APC2: variants seen among roughly 807,000 people sequenced by gnomAD.
APC2 encodes APC regulator of Wnt signaling pathway 2, also known as adenomatous polyposis coli protein 2.
In APC2, 41 loss-of-function variants were observed where a neutral mutation model predicts 72.5. The observed-to-expected ratio is 0.57, with a 90% confidence interval of 0.44 to 0.73. The LOEUF is 0.73. APC2 is among the 30% of genes least tolerant of loss of function. The pLI, the probability that APC2 is intolerant of heterozygous loss-of-function variation, is 0.00. For synonymous variants in APC2, 1,898 were observed against 1,612.0 expected (o/e 1.18, Z -4.25); for missense variants, 3,729 against 3,403.4 (o/e 1.10, Z -2.38).
intron 8 of APC2, 95 bp downstream of exon 8, chr19:1,456,499 C>T (rs1262737057): frequency 1.9e-5 from 24 of 1,265,018 alleles, no homozygotes; most frequent in Admixed American, 4.6e-5. Context: ...CCTCCCATGC[C>T]TCCATCCAGC....
chr19:1,460,087 A>G (rs978706240), intron 10 of APC2, 94 bp from the exon 11 acceptor site: 1 of 1,542,292 alleles, frequency 6.5e-7, no homozygotes, highest in Non-Finnish European at 8.8e-7. Context: ...GGTCTGGGGC[A>G]TAGGGAGGGC....
Position 1,471,574 on chromosome 19 carries a change from G to C in APC2, c.*1361G>C, listed in dbSNP as rs931090666. The stretch of plus-strand genomic sequence containing the variant: ...GACTGGGGCAACGCCTCGTCCTGCA[G>C]AGGGAGCCGACGACCTCTTTTCTGC... On this transcript the variant is annotated 3_prime_UTR_variant, in exon 15 of 15. Coordinates refer to ENST00000590469, the MANE Select transcript of APC2 (RefSeq NM_005883.3). The C allele has an allele frequency of 6.6e-6, 1 of 152,254 alleles. No individual in the cohort carries two copies. The highest frequency in any genetic ancestry group is 1.5e-5 in the Non-Finnish European group (1 of 68,058). 9.4% of individuals were successfully genotyped at this position (152,254 alleles called of 1,614,324 possible).
chr19:1,467,076 G>A lies in APC2; in HGVS notation c.3775G>A (p.Gly1259Ser), dbSNP rs757632528. ...RCRLPSELDAGSVRFTVEKPD... is the reference protein window; with the variant it reads ...RCRLPSELDASSVRFTVEKPD... ...CCGGCTGCCATCTGAGCTGGACGCAGGCAGCGTGCGCTTTACCGTGGAGAA... is the reference window on the plus strand; with the variant it reads ...CCGGCTGCCATCTGAGCTGGACGCAAGCAGCGTGCGCTTTACCGTGGAGAA... Residue 1259 changes from glycine (G) to serine (S), a missense_variant, in exon 15 of 15, where the codon GGC becomes AGC. Physicochemically the swap from Gly to Ser is moderately conservative, Grantham distance 56. Coordinates refer to ENST00000590469, the MANE Select transcript of APC2 (RefSeq NM_005883.3). 1.6e-5 allele frequency: 25 copies of A among 1,611,094 alleles called. No individual in the cohort carries two copies. The highest frequency in any genetic ancestry group is 2.1e-5 in the Non-Finnish European group (25 of 1,179,418).
chr19:1,469,899 A>G lies in APC2; in HGVS notation c.6598A>G (p.Lys2200Glu). 1 of 1,522,446 alleles carries G rather than the reference A, an allele frequency of 6.6e-7. No homozygotes were observed. Among genetic ancestry groups the G allele is most frequent in the East Asian group, 2.5e-5 (1 of 39,542 alleles). 94.3% of individuals were successfully genotyped at this position (1,522,446 alleles called of 1,614,324 possible). A position where few individuals can be genotyped will look rare whatever the true frequency, so the allele number is the denominator to read the frequency against. Reference protein sequence around the residue: ...VVQTEEVAAPKTNSSTSPSLE... With the variant: ...VVQTEEVAAPETNSSTSPSLE... Reference sequence around the variant, plus strand: ...CCAGACCGAGGAGGTCGCCGCCCCCAAGACCAACTCCAGCACGTCCCCGAG... The same window carrying G: ...CCAGACCGAGGAGGTCGCCGCCCCCGAGACCAACTCCAGCACGTCCCCGAG... Residue 2200 changes from lysine to glutamate, a missense_variant, in exon 15 of 15, where the codon AAG becomes GAG. Coordinates refer to ENST00000590469, the MANE Select transcript of APC2 (RefSeq NM_005883.3).
At chr19:1,456,042 G>T in intron 6 of APC2, 34 bp from the exon 7 acceptor site, 2 of 1,529,048 alleles carry the variant, frequency 1.3e-6, no homozygotes, top group Non-Finnish European at 8.8e-7. Context: ...GGCGGGGTCA[G>T]CTCCAGCACT....
At chr19:1,458,138 C>G (rs1183879242) in intron 10 of APC2, 78 bp downstream of exon 10, 13 of 1,323,538 alleles carry the variant, frequency 9.8e-6, no homozygotes, top group Admixed American at 4.0e-5. Flanking sequence ...TAAAGGGACA[C>G]AGGCTGGGTC....
chr19:1,458,169 T>C (rs979517366), intron 10 of APC2, 109 bp downstream of exon 10: 1 of 1,034,262 alleles, frequency 9.7e-7, no homozygotes, highest in African/African-American at 1.6e-5. Flanking sequence ...GGGCTGGGGA[T>C]TGGAGCCCGG....
Position 1,465,392 on chromosome 19 carries a change from T to C in APC2, c.2091T>C (p.His697=), listed in dbSNP as rs2083990981. 6.4e-7 allele frequency: 1 copy of C among 1,568,410 alleles called. No individual in the cohort carries two copies. The highest frequency in any genetic ancestry group is 1.3e-5 in the African/African-American group (1 of 74,130). ...SAAALRNLLA[H]RPAKHQAAAT... ...CCGCCCTGCGCAACCTGCTGGCCCA[T>C]CGGCCCGCCAAGCACCAGGCGGCCG... The change falls in exon 15 of 15, where the codon CAT becomes CAC. Residue 697 remains histidine, a synonymous_variant. Coordinates refer to ENST00000590469, the MANE Select transcript of APC2 (RefSeq NM_005883.3).
At chr19:1,448,055 C>T (rs749063108), upstream of APC2, among the ~76,000 whole-genome samples, 2 of 152,136 alleles carry the variant, frequency 1.3e-5, no homozygotes, top group Admixed American at 1.3e-4. Context: ...GAGACATGCC[C>T]AGGGGGACAC....
In APC2 at chr19:1,469,450, C is replaced by T. The variant is rs1207421313; in HGVS notation, c.6149C>T (p.Pro2050Leu). ...SSRCEELRAAPRQGPAPARQR... is the reference protein window; with the variant it reads ...SSRCEELRAALRQGPAPARQR... ...CGCTGCGAAGAGCTCCGAGCGGCAC[C>T]CCGGCAGGGCCCGGCCCCGGCCCGG... Residue 2050 changes from proline to leucine, a missense_variant, in exon 15 of 15, where the codon CCC becomes CTC. Pro to Leu is a moderately conservative substitution (Grantham distance 98, BLOSUM62 -3). Coordinates refer to ENST00000590469, the MANE Select transcript of APC2 (RefSeq NM_005883.3). 8.7e-7 allele frequency: 1 copy of T among 1,144,882 alleles called. No homozygotes were observed. The highest frequency in any genetic ancestry group is 3.5e-5 in the South Asian group (1 of 28,776). The allele number at this position is 1,144,882 out of a possible 1,614,324, so 70.9% of individuals were successfully genotyped here.
At position 1,465,834 on chromosome 19, in the gene APC2, G is replaced by A; in HGVS notation, c.2533G>A (p.Ala845Thr). The A allele has an allele frequency of 6.3e-7, 1 of 1,579,032 alleles. No homozygotes were observed. Among genetic ancestry groups the A allele is most frequent in the Non-Finnish European group, 8.6e-7 (1 of 1,164,164 alleles). The stretch of plus-strand genomic sequence containing the variant: ...GGCAGCCGTGGCGGCCAAGGCCAAG[G>A]CCAAGCTGGCGCTTGCAGTGGCGCG... ...GEAAVAAKAK[A>T]KLALAVARID... The change falls in exon 15 of 15, where the codon GCC becomes ACC. Residue 845 changes from alanine (A) to threonine (T), a missense_variant. Physicochemically the swap from Ala to Thr is moderately conservative, Grantham distance 58. Coordinates refer to ENST00000590469, the MANE Select transcript of APC2 (RefSeq NM_005883.3).
At chr19:1,446,687 G>T (rs1290175538), upstream of APC2, among the ~76,000 whole-genome samples, 1 of 152,062 alleles carries the variant, frequency 6.6e-6, no homozygotes, top group African/African-American at 2.4e-5. The surrounding 1 kb of genome is among the most constrained non-coding windows in gnomAD (Gnocchi z 6.1). Context: ...GGCGGCGGGG[G>T]CGGCTGCGGG....
rs1476129004 is a variant in APC2 at position 1,466,456 on chromosome 19, G to C, written c.3155G>C (p.Ser1052Thr). ...KLAAAPLSVA[S>T]KALQKLAAQE... ...GCGGCTGCCCCGCTGTCTGTGGCCAGCAAGGCACTGCAGAAACTGGCGGCG... is the reference window on the plus strand; with the variant it reads ...GCGGCTGCCCCGCTGTCTGTGGCCACCAAGGCACTGCAGAAACTGGCGGCG... Residue 1052 changes from serine to threonine, a missense_variant, in exon 15 of 15, where the codon AGC (serine) becomes ACC (threonine). Physicochemically the swap from Ser to Thr is moderately conservative, Grantham distance 58. Transcript: ENST00000590469. The C allele has an allele frequency of 2.5e-6, 4 of 1,597,982 alleles. No individual in the cohort carries two copies. The highest frequency in any genetic ancestry group is 1.7e-4 in the Middle Eastern group (1 of 6,056).
Position 1,470,043 on chromosome 19 carries a change from G to A in APC2, c.6742G>A (p.Gly2248Ser). Residue 2248 changes from glycine to serine, a missense_variant, in exon 15 of 15, where the codon GGC becomes AGC. By Grantham distance (56) the Gly-to-Ser change is moderately conservative. Transcript: ENST00000590469. ...APISAPFVHE[G>S]LGVAVGGFPA... is the part of the protein sequence containing the mutation. ...CATCTCCGCACCCTTCGTGCACGAG[G>A]GCCTGGGGGTCGCCGTGGGGGGCTT... The A allele has an allele frequency of 1.9e-6, 3 of 1,572,774 alleles. No homozygotes were observed. The highest frequency in any genetic ancestry group is 1.2e-5 in the South Asian group (1 of 86,698).
chr19:1,465,132 G>T lies in APC2; in HGVS notation c.1854-23G>T, dbSNP rs148897002. The T allele has an allele frequency of 3.8e-5, 60 of 1,582,254 alleles. No individual in the cohort carries two copies. The African/African-American group carries it at 7.1e-4, about 19-fold the overall frequency. On this transcript the variant is annotated intron_variant, in intron 14 of 14. Transcript: ENST00000590469. Reference sequence around the variant, plus strand: ...CAGGGGAGGGTGGGGGGTGGCCCAGGCTAACCCGCCCTGTGCCTACAGGCA... The same window carrying T: ...CAGGGGAGGGTGGGGGGTGGCCCAGTCTAACCCGCCCTGTGCCTACAGGCA...
In APC2 at chr19:1,472,809, G is replaced by T. The variant is rs1264093875; in HGVS notation, c.*2596G>T. 6.6e-6 allele frequency: 1 copy of T among 152,492 alleles called. No homozygotes were observed. Among genetic ancestry groups the T allele is most frequent in the African/African-American group, 2.4e-5 (1 of 41,444 alleles). The allele number at this position is 152,492 out of a possible 1,614,324, so 9.4% of individuals were successfully genotyped here. A position where few individuals can be genotyped will look rare whatever the true frequency, so the allele number is the denominator to read the frequency against. On this transcript the variant is annotated 3_prime_UTR_variant, in exon 15 of 15. Transcript: ENST00000590469. The stretch of plus-strand genomic sequence containing the variant: ...GGCCTCTCTGCACCAGGGTGACAAG[G>T]GGTCCTCGTCTGCCCCCCAATGCTC...
chr19:1,466,422 G>C lies in APC2; in HGVS notation c.3121G>C (p.Glu1041Gln), dbSNP rs1202975069. The stretch of plus-strand genomic sequence containing the variant: ...GGCAGACCACCTGAGCAAGGTTCCC[G>C]AGAAGCTGGCGGCTGCCCCGCTGTC... ...LPADHLSKVP[E>Q]KLAAAPLSVA... is the part of the protein sequence containing the mutation. The change falls in exon 15 of 15, where the codon GAG (glutamate) becomes CAG (glutamine). Residue 1041 changes from glutamate to glutamine, a missense_variant. Transcript: ENST00000590469. The C allele has an allele frequency of 1.3e-6, 2 of 1,597,472 alleles. No homozygotes were observed. Among genetic ancestry groups the C allele is most frequent in the Non-Finnish European group, 1.7e-6 (2 of 1,178,844 alleles).
In APC2 at chr19:1,466,507, G is replaced by A. The variant is rs754335381; in HGVS notation, c.3206G>A (p.Arg1069Gln). 2.5e-5 allele frequency: 40 copies of A among 1,596,488 alleles called. No homozygotes were observed. The highest frequency in any genetic ancestry group is 8.9e-5 in the East Asian group (4 of 44,790). The part of the protein sequence containing the change: ...AAQEGPLSLS[R>Q]CSSLSSLSSA... ...CAAGAGGGGCCACTCTCGCTGTCCC[G>A]ATGCAGCTCCCTTTCCTCGCTGTCC... The change falls in exon 15 of 15, where the codon CGA (arginine) becomes CAA (glutamine). Residue 1069 changes from arginine (R) to glutamine (Q), a missense_variant. Transcript: ENST00000590469.
chr19:1,469,195 C>A lies in APC2; in HGVS notation c.5894C>A (p.Ala1965Glu), dbSNP rs1038929926. The change falls in exon 15 of 15, where the codon GCG (alanine) becomes GAG (glutamate). Residue 1965 changes from alanine to glutamate, a missense_variant. By Grantham distance (107) the Ala-to-Glu change is moderately radical (BLOSUM62 -1). Coordinates refer to ENST00000590469, the MANE Select transcript of APC2 (RefSeq NM_005883.3). ...GCGGGGACCGAGGCGGGCCCGGGGG[C>A]GCGCGGGGGCCGCCTGGGCCTGGTG... is the stretch of plus-strand genomic sequence containing the variant. ...GRAGTEAGPG[A>E]RGGRLGLVRV... 3.2e-5 allele frequency: 42 copies of A among 1,304,262 alleles called. No individual in the cohort carries two copies. The African/African-American group carries it at 5.0e-4, about 16-fold the overall frequency. The allele number at this position is 1,304,262 out of a possible 1,614,324, so 80.8% of individuals were successfully genotyped here. A position where few individuals can be genotyped will look rare whatever the true frequency, so the allele number is the denominator to read the frequency against.
Sources: allele counts gnomAD v4.1 joint callset (sites outside exome capture counted in the v4.1 genomes callset), GRCh38; gene constraint gnomAD v4.1.1; non-coding constraint Gnocchi (gnomAD v3.1); transcripts MANE v1.5; gene names NCBI Gene and HGNC (gene_info 2026-07-23, HGNC 2026-07-21).